The following MOCOS variants were observed in gnomAD, a reference collection of about 807,000 sequenced individuals.
MOCOS encodes molybdenum cofactor sulfurase, also known as human molybdenum cofactor sulfurase.
In MOCOS, 86 loss-of-function variants were observed where a neutral mutation model predicts 83.6. The ratio of observed to expected loss-of-function variants is 1.03; its 90% CI spans 0.86 to 1.23. MOCOS has a LOEUF of 1.23. Ranked by LOEUF, MOCOS falls within the 50% of genes most tolerant of loss-of-function variation. MOCOS has a pLI of 0.00. For missense variants in MOCOS, 1,120 were observed against 1,126.9 expected, an observed-to-expected ratio of 0.99 and a Z score of 0.09; for synonymous variants, 445 against 434.7, an observed-to-expected ratio of 1.02 and a Z score of -0.29.
In MOCOS at chr18:36,239,982, C is replaced by G. The variant is rs1047206118; in HGVS notation, c.1961-8940C>G. Among the ~76,000 whole-genome samples the G allele has an allele frequency of 2.7e-4, 39 of 145,268 alleles. 1 individual carries two copies. Among genetic ancestry groups the G allele is most frequent in the Admixed American group, 1.4e-4 (2 of 14,370 alleles). On this transcript the variant is annotated intron_variant, in intron 9 of 14. Coordinates refer to ENST00000261326, the MANE Select transcript of MOCOS (RefSeq NM_017947.4). ...AGTTCTCGAGCCTTGGTTTTCAGCT[C>G]CATCAGCTCCTTTAAGCACTTCTCT...
At chr18:36,245,707 C>T (rs1467833934) in intron 9 of MOCOS, among the ~76,000 whole-genome samples, 2 of 152,154 alleles carry the variant, frequency 1.3e-5, no homozygotes, top group Non-Finnish European at 2.9e-5. Context: ...TTGATTATTC[C>T]CTCAAATAAG....
chr18:36,250,017 G>C (rs1194962176), intron 10 of MOCOS, among the ~76,000 whole-genome samples: 1 of 152,002 alleles, frequency 6.6e-6, no homozygotes, highest in Non-Finnish European at 1.5e-5. Flanking sequence ...TCTTTTTATT[G>C]AATAAATCAA....
intron 9 of MOCOS, among the ~76,000 whole-genome samples, chr18:36,229,307 CT>C (rs2091529314): frequency 6.6e-6 from 1 of 151,908 alleles, no homozygotes; most frequent in Admixed American, 6.6e-5. Context: ...AGGTTTGTTT[CT>C]TTTAATAGTT....
intron 10 of MOCOS, 135 bp from the exon 11 acceptor site, chr18:36,251,024 G>A: frequency 9.1e-7 from 1 of 1,095,030 alleles, no homozygotes; most frequent in East Asian, 2.6e-5. Flanking sequence ...TGCAGCATCT[G>A]TCACTTCAGG....
intron 6 of MOCOS, among the ~76,000 whole-genome samples, chr18:36,207,987 G>A (rs892992084): frequency 6.6e-6 from 1 of 152,098 alleles, no homozygotes; most frequent in African/African-American, 2.4e-5. Context: ...GATAGGAAAG[G>A]GTCCCATTTC....
At chr18:36,225,344 G>A (rs2091511372) in intron 9 of MOCOS, among the ~76,000 whole-genome samples, 2 of 152,062 alleles carry the variant, frequency 1.3e-5, no homozygotes, top group Non-Finnish European at 2.9e-5. Flanking sequence ...TAGAGAGAGG[G>A]TTTCACCATG....
intron 13 of MOCOS, among the ~76,000 whole-genome samples, chr18:36,263,876 C>A (rs1308416306): frequency 2.0e-5 from 3 of 152,102 alleles, no homozygotes; most frequent in Non-Finnish European, 2.9e-5. Context: ...AAAATTGTTT[C>A]TTTTGTATTG....
chr18:36,203,749 G>A (rs2091423778), intron 5 of MOCOS, among the ~76,000 whole-genome samples: 1 of 152,226 alleles, frequency 6.6e-6, no homozygotes, highest in Non-Finnish European at 1.5e-5. Context: ...TCACAGTAAT[G>A]GGACCCTTCA....
At chr18:36,204,718 C>T (rs1194179952) in intron 5 of MOCOS, among the ~76,000 whole-genome samples, 3 of 152,026 alleles carry the variant, frequency 2.0e-5, no homozygotes, top group Non-Finnish European at 4.4e-5. Context: ...TGGTGCCAGG[C>T]GTGGTGGCTC....
chr18:36,207,695 C>A (rs977274590), intron 6 of MOCOS, among the ~76,000 whole-genome samples: 3 of 151,432 alleles, frequency 2.0e-5, no homozygotes, highest in African/African-American at 7.3e-5. Context: ...AGATATTAGA[C>A]CTTTATTAGA....
In MOCOS at chr18:36,198,767, G is replaced by A; in HGVS notation, c.299+11G>A. On this transcript the variant is annotated intron_variant, in intron 3 of 14. Transcript: ENST00000261326. ...GCAGGTGCGCTACAGGTAAGCATCA[G>A]GGACACCTGCCTGACTGGGCATACC... 1 of 1,613,790 alleles carries A rather than the reference G, an allele frequency of 6.2e-7. No homozygotes were observed. Among genetic ancestry groups the A allele is most frequent in the Non-Finnish European group, 8.5e-7 (1 of 1,179,658 alleles).
chr18:36,213,390 A>G lies in MOCOS; in HGVS notation c.1243A>G (p.Asn415Asp). 6.2e-7 allele frequency: 1 copy of G among 1,614,130 alleles called. No homozygotes were observed. Among genetic ancestry groups the G allele is most frequent in the Non-Finnish European group, 8.5e-7 (1 of 1,180,000 alleles). Reference sequence around the variant, plus strand: ...GGTGGACAAAATGGCCAGTCTTTACAACATCCACCTGCGAACTGGCTGCTT... The same window carrying G: ...GGTGGACAAAATGGCCAGTCTTTACGACATCCACCTGCGAACTGGCTGCTT... ...SQVDKMASLY[N>D]IHLRTGCFCN... The change falls in exon 7 of 15, where the codon AAC becomes GAC. Residue 415 changes from asparagine (N) to aspartate (D), a missense_variant. Physicochemically the swap from Asn to Asp is conservative, Grantham distance 23. Transcript: ENST00000261326.
chr18:36,266,867 CA>C lies in MOCOS; in HGVS notation c.2514+18del, dbSNP rs759941750. The stretch of plus-strand genomic sequence containing the variant: ...CGTGAAACAAAGGTAAGCGTGATTG[CA>C]AAATATGACACCTGGTTTCCAATCC... On this transcript the variant is annotated intron_variant, in intron 14 of 14. Transcript: ENST00000261326. 7 of 1,586,474 alleles carry C rather than the reference CA, an allele frequency of 4.4e-6. No homozygotes were observed. The East Asian group carries it at 1.3e-4, about 30-fold the overall frequency.
chr18:36,203,630 A>G (rs1358224919), intron 5 of MOCOS, among the ~76,000 whole-genome samples: 1 of 152,238 alleles, frequency 6.6e-6, no homozygotes. Flanking sequence ...CCAGGAGGGC[A>G]AGGATTTAAC....
intron 12 of MOCOS, among the ~76,000 whole-genome samples, chr18:36,258,680 A>T (rs1258957700): frequency 6.6e-6 from 1 of 151,974 alleles, no homozygotes; most frequent in Non-Finnish European, 1.5e-5. Context: ...TAAGCAATTA[A>T]AAATTGATTG....
At chr18:36,241,566 A>G (rs760553757) in intron 9 of MOCOS, among the ~76,000 whole-genome samples, 7 of 152,188 alleles carry the variant, frequency 4.6e-5, no homozygotes, top group Non-Finnish European at 5.9e-5. Context: ...TGGTGGATCT[A>G]TCATTCTGGG....
rs1653723147 is a variant in MOCOS, at chr18:36,229,424, G to C, written c.1960+9207G>C. Among the ~76,000 whole-genome samples the C allele has an allele frequency of 2.6e-5, 4 of 151,980 alleles. No individual in the cohort carries two copies. In the South Asian group the frequency reaches 8.3e-4, roughly 32 times the overall value. On this transcript the variant is annotated intron_variant, in intron 9 of 14. Transcript: ENST00000261326. ...GTATATGACAAGTCAGTTTTCCCTT[G>C]CCTTTTTCCTTCCTTTTGACTTTTG...
intron 9 of MOCOS, among the ~76,000 whole-genome samples, chr18:36,237,495 G>A (rs1290374971): frequency 6.6e-6 from 1 of 152,184 alleles, no homozygotes; most frequent in Non-Finnish European, 1.5e-5. Context: ...GTTGATCATG[G>A]TGGATAAGCT....
At chr18:36,267,044 CTT>C (rs35874544) in intron 14 of MOCOS, among the ~76,000 whole-genome samples, 191 bp downstream of exon 14, 1 of 151,730 alleles carries the variant, frequency 6.6e-6, no homozygotes, top group Non-Finnish European at 1.5e-5. Context: ...CAAGTTCTCA[CTT>C]TTTTTTGTTT....
Sources: gnomAD v4.1 joint callset for allele counts (sites outside exome capture counted in the v4.1 genomes callset) on GRCh38, gnomAD v4.1.1 for gene constraint, MANE v1.5 for transcripts, NCBI Gene and HGNC (gene_info 2026-07-23, HGNC 2026-07-21) for gene names.